The following SCMH1 variants were observed in gnomAD, a reference collection of about 807,000 sequenced individuals.
The protein encoded by SCMH1 is polycomb protein SCMH1.
In SCMH1, 37 loss-of-function variants were observed where a neutral mutation model predicts 70.8. That is an observed-to-expected ratio of 0.52 (90% CI 0.40 to 0.69). The LOEUF (loss-of-function observed/expected upper bound fraction) is 0.69. Among genes scored for constraint, SCMH1 ranks in the 30% least tolerant of loss-of-function variants. The pLI is 0.00. For synonymous variants in SCMH1, 292 were observed against 307.4 expected, an observed-to-expected ratio of 0.95 and a Z score of 0.52; for missense variants, 607 against 827.3, an observed-to-expected ratio of 0.73 and a Z score of 3.27.
At chr1:41,098,893 C>T in intron 8 of SCMH1, 1 of 199,008 alleles carries the variant, frequency 5.0e-6, no homozygotes, top group South Asian at 9.6e-5. Flanking sequence ...ATAAGCGTGA[C>T]CGCTATGCCA....
intron 7 of SCMH1, among the ~76,000 whole-genome samples, chr1:41,114,387 T>A (rs1669942261): frequency 6.6e-6 from 1 of 152,208 alleles, no homozygotes; most frequent in African/African-American, 2.4e-5. Flanking sequence ...TACTATCTGA[T>A]CCTGTACCAA....
intron 8 of SCMH1, among the ~76,000 whole-genome samples, chr1:41,111,909 A>C (rs1384238778): frequency 6.6e-6 from 1 of 152,110 alleles, no homozygotes; most frequent in Admixed American, 6.5e-5. Context: ...AAATATGTTC[A>C]TTATTTTCAT....
chr1:41,190,267 T>C (rs1459907849), intron 1 of SCMH1, among the ~76,000 whole-genome samples: 1 of 152,168 alleles, frequency 6.6e-6, no homozygotes, highest in Non-Finnish European at 1.5e-5. Flanking sequence ...AGGGGAAACA[T>C]GAGAGCTGTT....
intron 10 of SCMH1, among the ~76,000 whole-genome samples, chr1:41,058,019 G>A (rs1303341386): frequency 6.6e-6 from 1 of 151,648 alleles, no homozygotes; most frequent in Non-Finnish European, 1.5e-5. Context: ...CTACACAGGA[G>A]GCTGAGGTGG....
At chr1:41,091,006 T>C (rs1187262216) in intron 8 of SCMH1, among the ~76,000 whole-genome samples, 12 of 145,096 alleles carry the variant, frequency 8.3e-5, no homozygotes, top group African/African-American at 2.9e-4. Context: ...ACCACTGCAC[T>C]CCGGCCTGGG....
At chr1:41,126,218 A>G (rs1275735897) in intron 6 of SCMH1, among the ~76,000 whole-genome samples, 1 of 152,148 alleles carries the variant, frequency 6.6e-6, no homozygotes, top group Non-Finnish European at 1.5e-5. Context: ...ATTTCTTTGC[A>G]GTCCATTTTT....
chr1:41,198,095 G>A (rs1348328014), intron 1 of SCMH1, among the ~76,000 whole-genome samples: 1 of 152,120 alleles, frequency 6.6e-6, no homozygotes, highest in Non-Finnish European at 1.5e-5. Context: ...GTTAGGAAAC[G>A]TTCAATGTCA....
intron 10 of SCMH1, among the ~76,000 whole-genome samples, chr1:41,052,910 T>C (rs1007802531): frequency 1.5e-5 from 2 of 129,488 alleles, no homozygotes; most frequent in African/African-American, 3.0e-5. Flanking sequence ...ACTCATTAAA[T>C]TGTAGGCTTT....
intron 1 of SCMH1, among the ~76,000 whole-genome samples, chr1:41,194,254 C>T (rs149794826): frequency 3.9e-5 from 6 of 152,260 alleles, no homozygotes; most frequent in Non-Finnish European, 7.4e-5. Flanking sequence ...TTTTGTGACA[C>T]ATATATTCAT....
At chr1:41,028,832 G>A in intron 13 of SCMH1, 106 bp from the exon 15 acceptor site, 1 of 1,248,092 alleles carries the variant, frequency 8.0e-7, no homozygotes, top group South Asian at 1.5e-5. Context: ...GCTCACAGTA[G>A]TGCCAGACGA....
chr1:41,066,645 C>T (rs1654699528), intron 10 of SCMH1, among the ~76,000 whole-genome samples: 1 of 152,134 alleles, frequency 6.6e-6, no homozygotes. Context: ...GTGATTTTGG[C>T]TCACTGCAAC....
chr1:41,048,524 G>A (rs1016739481), intron 11 of SCMH1, among the ~76,000 whole-genome samples, 166 bp downstream of exon 11: 9 of 152,158 alleles, frequency 5.9e-5, no homozygotes, highest in African/African-American at 2.2e-4. Flanking sequence ...GTATGCATAA[G>A]GCTCAGAGGG....
chr1:41,159,700 T>C, intron 4 of SCMH1: 1 of 1,528,254 alleles, frequency 6.5e-7, no homozygotes, highest in Non-Finnish European at 8.8e-7. Context: ...ATAACTATCA[T>C]TTATCAAGTG....
chr1:41,089,896 A>T (rs1453692744), intron 8 of SCMH1, among the ~76,000 whole-genome samples: 1 of 145,834 alleles, frequency 6.9e-6, no homozygotes, highest in Non-Finnish European at 1.5e-5. Flanking sequence ...GGTTCAAGCG[A>T]GTCTCGTGCC....
At chr1:41,160,424 T>C (rs991524017) in intron 4 of SCMH1, among the ~76,000 whole-genome samples, 1 of 152,236 alleles carries the variant, frequency 6.6e-6, no homozygotes, top group African/African-American at 2.4e-5. Flanking sequence ...CTTGATAATA[T>C]TTTAATATTT....
intron 2 of SCMH1, among the ~76,000 whole-genome samples, chr1:41,178,206 C>A (rs868812455): frequency 3.3e-5 from 5 of 152,220 alleles, no homozygotes; most frequent in Middle Eastern, 6.8e-3. Context: ...TTTGTCACCA[C>A]CAGGACTGCC....
At chr1:41,066,254 C>T (rs1382300943) in intron 10 of SCMH1, among the ~76,000 whole-genome samples, 1 of 152,238 alleles carries the variant, frequency 6.6e-6, no homozygotes, top group African/African-American at 2.4e-5. Flanking sequence ...TCTGGCAGCT[C>T]CCTATGTCAG....
At chr1:41,230,664 A>AG (rs1364984712) in intron 1 of SCMH1, among the ~76,000 whole-genome samples, 3 of 152,098 alleles carry the variant, frequency 2.0e-5, no homozygotes, top group Admixed American at 6.6e-5. Flanking sequence ...TGTCTTAAAA[A>AG]AAAAAAAAAA....
intron 1 of SCMH1, among the ~76,000 whole-genome samples, chr1:41,230,814 C>G (rs1465293505): frequency 1.3e-5 from 2 of 152,142 alleles, no homozygotes; most frequent in African/African-American, 4.8e-5. Context: ...GTTCTATCCC[C>G]TTAGAGATCC....
Sources: gnomAD v4.1 joint callset for allele counts (sites outside exome capture counted in the v4.1 genomes callset) on GRCh38, gnomAD v4.1.1 for gene constraint, MANE v1.5 for transcripts, NCBI Gene and HGNC (gene_info 2026-07-23, HGNC 2026-07-21) for gene names.